Variants in PDE3A observed in about 807,000 individuals in gnomAD.
PDE3A encodes phosphodiesterase 3A, also known as cGMP-inhibited 3',5'-cyclic phosphodiesterase 3A.
A neutral mutation model predicts 98.3 loss-of-function variants in PDE3A; 43 were observed. The observed-to-expected ratio is 0.44, with a 90% CI of 0.34 to 0.56. The LOEUF is 0.56. Among genes scored for constraint, PDE3A ranks in the 20% least tolerant of loss-of-function variants. The pLI, the probability that PDE3A is intolerant of heterozygous loss-of-function variation, is 0.01. For missense variants in PDE3A, 1,427 were observed against 1,440.7 expected, an observed-to-expected ratio of 0.99 and a Z score of 0.15; for synonymous variants, 663 against 567.9, an observed-to-expected ratio of 1.17 and a Z score of -2.38.
chr12:20,448,480 T>A (rs761662553), intron 1 of PDE3A, among the ~76,000 whole-genome samples: 1 of 152,154 alleles, frequency 6.6e-6, no homozygotes, highest in Non-Finnish European at 1.5e-5. Context: ...TATTGTAACC[T>A]ACAAAAATTC....
intron 1 of PDE3A, among the ~76,000 whole-genome samples, chr12:20,518,575 A>G (rs375246120): frequency 6.8e-6 from 1 of 146,684 alleles, no homozygotes; most frequent in African/African-American, 2.5e-5. Context: ...TTAAAAAAAA[A>G]GCCTTCCTAG....
chr12:20,393,653 AAAAC>A (rs1943959530), intron 1 of PDE3A, among the ~76,000 whole-genome samples: 2 of 152,208 alleles, frequency 1.3e-5, no homozygotes, highest in African/African-American at 4.8e-5. Context: ...AAAGTAAAGA[AAAAC>A]AAAACAGAAA....
intron 1 of PDE3A, among the ~76,000 whole-genome samples, chr12:20,542,213 T>C (rs1941932386): frequency 6.6e-6 from 1 of 152,026 alleles, no homozygotes; most frequent in African/African-American, 2.4e-5. Context: ...TAAAAGACTT[T>C]TTGGAAAAAC....
intron 1 of PDE3A, among the ~76,000 whole-genome samples, chr12:20,397,871 G>A (rs1944046273): frequency 6.6e-6 from 1 of 151,952 alleles, no homozygotes; most frequent in Non-Finnish European, 1.5e-5. Flanking sequence ...TGACAAAGTG[G>A]ACATTGCAAA....
At position 20,552,067 on chromosome 12, in the gene PDE3A, G is replaced by A; in HGVS notation, c.961-4593G>A. On this transcript the variant is annotated intron_variant, in intron 1 of 15. Coordinates refer to ENST00000359062, the MANE Select transcript of PDE3A (RefSeq NM_000921.5). The surrounding 1 kb of genome is among the most constrained non-coding windows in gnomAD (Gnocchi z 5.1). The stretch of plus-strand genomic sequence containing the variant: ...CCATGGGAATTTTTTCACATACACG[G>A]GTAGTGGTGGTCGAGAGCTTTCCGG... 12 of 1,612,590 alleles carry A rather than the reference G, an allele frequency of 7.4e-6. No individual in the cohort carries two copies. Among genetic ancestry groups the A allele is most frequent in the Non-Finnish European group, 1.0e-5 (12 of 1,179,898 alleles).
At chr12:20,445,834 T>C (rs1478964791) in intron 1 of PDE3A, among the ~76,000 whole-genome samples, 1 of 152,174 alleles carries the variant, frequency 6.6e-6, no homozygotes, top group Non-Finnish European at 1.5e-5. Flanking sequence ...CCCTATGCTC[T>C]CTGCAGTCTG....
At position 20,369,708 on chromosome 12, in the gene PDE3A, G is replaced by A; in HGVS notation, c.424G>A (p.Ala142Thr). ...PSALLFSLLCAFFWMGLYLLR... is the reference protein window; with the variant it reads ...PSALLFSLLCTFFWMGLYLLR... ...GGCGCTGCTCTTCAGTCTCCTGTGTGCCTTCTTCTGGATGGGCTTGTACCT... is the reference window on the plus strand; with the variant it reads ...GGCGCTGCTCTTCAGTCTCCTGTGTACCTTCTTCTGGATGGGCTTGTACCT... Residue 142 changes from alanine to threonine, a missense_variant, in exon 1 of 16, where the codon GCC (alanine) becomes ACC (threonine). This residue lies in a region of PDE3A where 1,012 missense variants were observed against 886.5 expected (regional missense o/e 1.14). Coordinates refer to ENST00000359062, the MANE Select transcript of PDE3A (RefSeq NM_000921.5). The A allele has an allele frequency of 1.9e-6, 3 of 1,612,170 alleles. No individual in the cohort carries two copies. The highest frequency in any genetic ancestry group is 2.2e-5 in the South Asian group (2 of 91,016).
At chr12:20,397,695 A>T (rs1199249113) in intron 1 of PDE3A, among the ~76,000 whole-genome samples, 10 of 152,052 alleles carry the variant, frequency 6.6e-5, no homozygotes, top group Admixed American at 6.6e-4. Flanking sequence ...AAAAATAGAG[A>T]TATTCTTTTC....
intron 13 of PDE3A, among the ~76,000 whole-genome samples, chr12:20,649,599 T>C (rs2121517396): frequency 6.6e-6 from 1 of 152,314 alleles, no homozygotes; most frequent in South Asian, 2.1e-4. Flanking sequence ...TATGACAATT[T>C]TTTATGAACT....
In PDE3A at chr12:20,680,561, AT is replaced by A. The variant is rs1365800618; in HGVS notation, c.*292del. 9.9e-6 allele frequency: 3 copies of A among 303,184 alleles called. No individual in the cohort carries two copies. Among genetic ancestry groups the A allele is most frequent in the Non-Finnish European group, 1.9e-5 (3 of 161,410 alleles). 18.8% of individuals were successfully genotyped at this position (303,184 alleles called of 1,614,324 possible). ...TCCCACATAGATACATGTAAAACAT[AT>A]TCACACCCATGCACGCACACACATA... On this transcript the variant is annotated 3_prime_UTR_variant, in exon 16 of 16. Transcript: ENST00000359062.
intron 1 of PDE3A, among the ~76,000 whole-genome samples, chr12:20,420,639 T>C (rs1386947456): frequency 6.6e-6 from 1 of 152,136 alleles, no homozygotes; most frequent in Non-Finnish European, 1.5e-5. Flanking sequence ...ACATGATTTT[T>C]TTTCAAGAGC....
At chr12:20,435,530 G>A (rs1944766123) in intron 1 of PDE3A, among the ~76,000 whole-genome samples, 1 of 152,138 alleles carries the variant, frequency 6.6e-6, no homozygotes, top group Admixed American at 6.6e-5. Context: ...TGGGAGGTAG[G>A]AAGATTGGTG....
At chr12:20,578,541 GATC>G (rs1942995622) in intron 2 of PDE3A, among the ~76,000 whole-genome samples, 1 of 151,594 alleles carries the variant, frequency 6.6e-6, no homozygotes, top group Non-Finnish European at 1.5e-5. Flanking sequence ...TGGAAAATAG[GATC>G]ATCACAATAA....
chr12:20,622,515 T>TG (rs1944161807), intron 5 of PDE3A, among the ~76,000 whole-genome samples: 1 of 152,178 alleles, frequency 6.6e-6, no homozygotes, highest in Non-Finnish European at 1.5e-5. Context: ...ACAACTAATC[T>TG]GGTCCTCTCT....
chr12:20,597,301 C>A (rs1943487557), intron 2 of PDE3A, among the ~76,000 whole-genome samples: 1 of 152,144 alleles, frequency 6.6e-6, no homozygotes, highest in African/African-American at 2.4e-5. Context: ...AAGTTCCCAA[C>A]TCATTGCTGG....
intron 1 of PDE3A, among the ~76,000 whole-genome samples, chr12:20,509,695 A>G (rs1946185331): frequency 6.6e-6 from 1 of 151,986 alleles, no homozygotes; most frequent in Admixed American, 6.6e-5. Context: ...ACCAGATGAT[A>G]TTTTAATGTT....
At chr12:20,476,816 A>G (rs1453307056) in intron 1 of PDE3A, among the ~76,000 whole-genome samples, 1 of 152,210 alleles carries the variant, frequency 6.6e-6, no homozygotes, top group African/African-American at 2.4e-5. Context: ...AATTCCATCA[A>G]ATTGATTTGA....
chr12:20,476,182 A>T (rs1057043122), intron 1 of PDE3A, among the ~76,000 whole-genome samples: 5 of 152,196 alleles, frequency 3.3e-5, no homozygotes, highest in African/African-American at 1.2e-4. Context: ...GATTGTAGCA[A>T]CATGTAGAAA....
chr12:20,491,091 T>C (rs1481351853), intron 1 of PDE3A, among the ~76,000 whole-genome samples: 2 of 152,184 alleles, frequency 1.3e-5, no homozygotes, highest in East Asian at 3.9e-4. Context: ...AAAAATCCTT[T>C]AATACTTTTC....
Sources: allele counts gnomAD v4.1 joint callset (sites outside exome capture counted in the v4.1 genomes callset), GRCh38; gene constraint gnomAD v4.1.1; regional missense constraint gnomAD v4.1.1; non-coding constraint Gnocchi (gnomAD v3.1); transcripts MANE v1.5; gene names NCBI Gene and HGNC (gene_info 2026-07-23, HGNC 2026-07-21).